The following CELSR3 variants were observed in gnomAD, a reference collection of about 807,000 sequenced individuals.
The protein encoded by CELSR3 is EGF-like protein 1.
Under a neutral mutation model 270.0 loss-of-function variants are expected in CELSR3, and 73 were observed. That is an observed-to-expected ratio of 0.27 (90% CI 0.22 to 0.33). The LOEUF (loss-of-function observed/expected upper bound fraction) is 0.33, where lower values mean the gene tolerates loss of function less well. CELSR3 is among the 10% of genes least tolerant of loss of function. The pLI, the probability that CELSR3 is intolerant of heterozygous loss-of-function variation, is 1.00. For synonymous variants in CELSR3, 1,780 were observed against 1,905.4 expected, an observed-to-expected ratio of 0.93 and a Z score of 1.71; for missense variants, 3,614 against 4,533.8, an observed-to-expected ratio of 0.80 and a Z score of 5.83.
In CELSR3 at chr3:48,637,523, C is replaced by G. The variant is rs1204020158; in HGVS notation, c.*682G>C. The G allele has an allele frequency of 6.5e-6, 1 of 152,706 alleles. No homozygotes were observed. The highest frequency in any genetic ancestry group is 1.5e-5 in the Non-Finnish European group (1 of 68,168). 9.5% of individuals were successfully genotyped at this position (152,706 alleles called of 1,614,324 possible). The stretch of plus-strand genomic sequence containing the variant: ...AAGCCTTGCTCTGTAAACACGACAT[C>G]AGCTGCTCCACCAGCACCCCACAGC... On this transcript the variant is annotated 3_prime_UTR_variant, in exon 35 of 35. Coordinates refer to ENST00000164024, the MANE Select transcript of CELSR3 (RefSeq NM_001407.3).
chr3:48,642,492 C>A lies in CELSR3; in HGVS notation c.8556-25G>T. ...CCTGGAAAAGCAGGAGCCCCCCCACCATGAAAGAGGGATGTGATGGGGTGC... is the reference window on the plus strand; with the variant it reads ...CCTGGAAAAGCAGGAGCCCCCCCACAATGAAAGAGGGATGTGATGGGGTGC... On this transcript the variant is annotated intron_variant, in intron 30 of 34. Transcript: ENST00000164024. The surrounding 1 kb of genome is among the most constrained non-coding windows in gnomAD (Gnocchi z 6.1). 1 of 1,605,448 alleles carries A rather than the reference C, an allele frequency of 6.2e-7. No homozygotes were observed. The highest frequency in any genetic ancestry group is 1.1e-5 in the South Asian group (1 of 90,084).
chr3:48,646,312 G>C lies in CELSR3; in HGVS notation c.7296-55C>G, dbSNP rs2047083786. The C allele has an allele frequency of 3.2e-6, 5 of 1,540,294 alleles. No individual in the cohort carries two copies. Among genetic ancestry groups the C allele is most frequent in the Non-Finnish European group, 4.4e-6 (5 of 1,135,426 alleles). On this transcript the variant is annotated intron_variant, in intron 21 of 34. Transcript: ENST00000164024. The surrounding 1 kb of genome is among the most constrained non-coding windows in gnomAD (Gnocchi z 4.8). Reference sequence around the variant, plus strand: ...CTGCTGACCTCCCCATGCTCAGCCTGCTTGCCTCACCCCGTCTTCATGCCA... The same window carrying C: ...CTGCTGACCTCCCCATGCTCAGCCTCCTTGCCTCACCCCGTCTTCATGCCA...
chr3:48,643,883 CGTG>C (rs1367635161), intron 27 of CELSR3: 11 of 625,056 alleles, frequency 1.8e-5, no homozygotes, highest in Non-Finnish European at 2.7e-5. Flanking sequence ...CATGAGGACA[CGTG>C]GGGAAAACAC....
rs145563898 is a variant in CELSR3, at chr3:48,646,784, T to C, written c.7274A>G (p.Gln2425Arg). ...TLGGLLPAQF[Q>R]AERRGARLPQ... The stretch of plus-strand genomic sequence containing the variant: ...GTACCTGGCACCTCGGCGTTCTGCC[T>C]GGAACTGGGCAGGGAGCAGTCCCCC... Residue 2425 changes from glutamine (Q) to arginine (R), a missense_variant, in exon 21 of 35, where the codon CAG becomes CGG. Physicochemically the swap from Gln to Arg is conservative, Grantham distance 43. This residue lies in a region of CELSR3 where 1,240 missense variants were observed against 1,351.7 expected (regional missense o/e 0.92). Coordinates refer to ENST00000164024, the MANE Select transcript of CELSR3 (RefSeq NM_001407.3). This position sits in a 1 kb window ranked among gnomAD's most constrained non-coding sequence, Gnocchi z 4.8. The C allele has an allele frequency of 2.5e-6, 4 of 1,609,984 alleles. No homozygotes were observed. Among genetic ancestry groups the C allele is most frequent in the Non-Finnish European group, 3.4e-6 (4 of 1,178,802 alleles).
Position 48,660,026 on chromosome 3 carries a change from T to C in CELSR3, c.2609A>G (p.Asp870Gly). The change falls in exon 1 of 35, where the codon GAT becomes GGT. Residue 870 changes from aspartate (D) to glycine (G), a missense_variant. By Grantham distance (94) the Asp-to-Gly change is moderately conservative. Transcript: ENST00000164024. This position sits in a 1 kb window ranked among gnomAD's most constrained non-coding sequence, Gnocchi z 5.5. The stretch of plus-strand genomic sequence containing the variant: ...CACTATGGTGCTACCCATTGGCCGA[T>C]CTTCATTCACACTCACTGAGTAGTG... ...SAHYSVSVNE[D>G]RPMGSTIVVI... The C allele has an allele frequency of 1.2e-6, 2 of 1,614,216 alleles. No homozygotes were observed. The highest frequency in any genetic ancestry group is 1.7e-6 in the Non-Finnish European group (2 of 1,180,054).
intron 17 of CELSR3, 50 bp from the exon 18 acceptor site, chr3:48,648,978 A>G (rs2106708618): frequency 6.3e-7 from 1 of 1,593,652 alleles, no homozygotes; most frequent in South Asian, 1.1e-5. Flanking sequence ...GCCTTCCTCT[A>G]AAGCTTCACA....
Position 48,651,274 on chromosome 3 carries a change from A to C in CELSR3, c.6186+85T>G. The C allele has an allele frequency of 6.3e-7, 1 of 1,581,324 alleles. No homozygotes were observed. Among genetic ancestry groups the C allele is most frequent in the South Asian group, 1.2e-5 (1 of 86,148 alleles). ...GGACACAGGCAAGAGGTTAGGGCCC[A>C]AGTCAGGTGGCGGAGGTCAGCAAGC... On this transcript the variant is annotated intron_variant, in intron 14 of 34. Transcript: ENST00000164024. This position sits in a 1 kb window ranked among gnomAD's most constrained non-coding sequence, Gnocchi z 7.4.
chr3:48,643,379 C>T, intron 28 of CELSR3, 175 bp downstream of exon 28: 1 of 906,666 alleles, frequency 1.1e-6, no homozygotes, highest in South Asian at 1.8e-5. Context: ...TTAGAGTCAG[C>T]TCCAGGCCTG....
At position 48,652,951 on chromosome 3, in the gene CELSR3, G is replaced by A. The variant is rs186954925; in HGVS notation, c.5634+51C>T. ...GACTAGAGGTGGGGTCAAATAAGGC[G>A]GATCTGGTTGGAAGGCTGAGAACAG... is the stretch of plus-strand genomic sequence containing the variant. On this transcript the variant is annotated intron_variant, in intron 10 of 34. Coordinates refer to ENST00000164024, the MANE Select transcript of CELSR3 (RefSeq NM_001407.3). This position sits in a 1 kb window ranked among gnomAD's most constrained non-coding sequence, Gnocchi z 4.3. 65 of 1,509,404 alleles carry A rather than the reference G, an allele frequency of 4.3e-5. No individual in the cohort carries two copies. The highest frequency in any genetic ancestry group is 6.9e-5 in the African/African-American group (5 of 72,890). 93.5% of individuals were successfully genotyped at this position (1,509,404 alleles called of 1,614,324 possible).
rs768229031 is a variant in CELSR3 at position 48,641,265 on chromosome 3, T to C, written c.9025+59A>G. 70 of 1,161,514 alleles carry C rather than the reference T, an allele frequency of 6.0e-5. No homozygotes were observed. Among genetic ancestry groups the C allele is most frequent in the Middle Eastern group, 2.7e-4 (1 of 3,722 alleles). 72.0% of individuals were successfully genotyped at this position (1,161,514 alleles called of 1,614,324 possible). A position where few individuals can be genotyped will look rare whatever the true frequency, so the allele number is the denominator to read the frequency against. ...GATGAGGAAGCTGCAATCCCTTGGCTCAGGGCATGAGCAGCCCCCAGCGTG... is the reference window on the plus strand; with the variant it reads ...GATGAGGAAGCTGCAATCCCTTGGCCCAGGGCATGAGCAGCCCCCAGCGTG... On this transcript the variant is annotated intron_variant, in intron 33 of 34. Coordinates refer to ENST00000164024, the MANE Select transcript of CELSR3 (RefSeq NM_001407.3). This position sits in a 1 kb window ranked among gnomAD's most constrained non-coding sequence, Gnocchi z 4.8.
rs2077058660 is a variant in CELSR3 at position 48,660,555 on chromosome 3, C to A, written c.2080G>T (p.Ala694Ser). Residue 694 changes from alanine (A) to serine (S), a missense_variant, in exon 1 of 35, where the codon GCA becomes TCA. Transcript: ENST00000164024. This position sits in a 1 kb window ranked among gnomAD's most constrained non-coding sequence, Gnocchi z 5.5. ...TTTATCACAAAAGGAGTATCAGGTG[C>A]CACACCAGTTAGGGAGTACTCCAAT... ...ARLEYSLTGV[A>S]PDTPFVINSA... 6.2e-7 allele frequency: 1 copy of A among 1,614,050 alleles called. No individual in the cohort carries two copies. The highest frequency in any genetic ancestry group is 1.3e-5 in the African/African-American group (1 of 74,922).
At position 48,642,420 on chromosome 3, in the gene CELSR3, T is replaced by C; in HGVS notation, c.8603A>G (p.His2868Arg). ...GGGGCCAGCATGAGCCTGGAGGCTG[T>C]GGTCAGTGTGGTCAGCGGCTGAGCC... ...RHGSAADHTD[H>R]SLQAHAGPTD... is the part of the protein sequence containing the mutation. Residue 2868 changes from histidine (H) to arginine (R), a missense_variant, in exon 31 of 35, where the codon CAC (histidine) becomes CGC (arginine). Around this residue, in one of 7 missense-constraint regions of CELSR3, gnomAD observed 1,240 missense variants for 1,351.7 expected, o/e 0.92. Transcript: ENST00000164024. This position sits in a 1 kb window ranked among gnomAD's most constrained non-coding sequence, Gnocchi z 6.1. 6.2e-7 allele frequency: 1 copy of C among 1,613,108 alleles called. No homozygotes were observed. The highest frequency in any genetic ancestry group is 8.5e-7 in the Non-Finnish European group (1 of 1,179,866).
Position 48,640,123 on chromosome 3 carries a change from G to A in CELSR3, c.9462C>T (p.Ser3154=), listed in dbSNP as rs1334578339. The A allele has an allele frequency of 6.2e-7, 1 of 1,611,992 alleles. No homozygotes were observed. Among genetic ancestry groups the A allele is most frequent in the East Asian group, 2.2e-5 (1 of 44,864 alleles). Residue 3154 remains serine (S), a synonymous_variant, in exon 34 of 35, where the codon AGC becomes AGT. Coordinates refer to ENST00000164024, the MANE Select transcript of CELSR3 (RefSeq NM_001407.3). The surrounding 1 kb of genome is among the most constrained non-coding windows in gnomAD (Gnocchi z 7.5). ...LDLGAPREWL[S]TLPPPRRTRD... The stretch of plus-strand genomic sequence containing the variant: ...GGGTGCGGCGGGGCGGAGGCAGCGT[G>A]CTCAACCACTCTCGAGGTGCCCCTA...
intron 19 of CELSR3, 28 bp downstream of exon 19, chr3:48,648,238 G>GGGCCCCCCCCCCCCCCCCCCCAACC: frequency 7.4e-7 from 1 of 1,342,630 alleles, no homozygotes. Flanking sequence ...CCCCTGCTGT[G>GGGCCCCCCCCCCCCCCCCCCCAACC]CCCCGCCCTA....
chr3:48,653,631 C>A lies in CELSR3; in HGVS notation c.5436G>T (p.Thr1812=), dbSNP rs566254227. Residue 1812 remains threonine (T), a synonymous_variant, in exon 9 of 35, where the codon ACG becomes ACT. Coordinates refer to ENST00000164024, the MANE Select transcript of CELSR3 (RefSeq NM_001407.3). This position sits in a 1 kb window ranked among gnomAD's most constrained non-coding sequence, Gnocchi z 6.5. ...LMQVQAGPHS[T]LLCQLDRGLL... ...AGGGTGGACACACCTGGCAAAGGAG[C>A]GTGCTGTGTGGCCCAGCCTGCACTT... is the stretch of plus-strand genomic sequence containing the variant. 3.7e-6 allele frequency: 6 copies of A among 1,613,904 alleles called. No individual in the cohort carries two copies. The Admixed American group carries it at 1.0e-4, about 27-fold the overall frequency.
At position 48,646,145 on chromosome 3, in the gene CELSR3, G is replaced by T. The variant is rs754120664; in HGVS notation, c.7408C>A (p.Leu2470Ile). The change falls in exon 22 of 35, where the codon CTA (leucine) becomes ATA (isoleucine). Residue 2470 changes from leucine to isoleucine, a missense_variant. By Grantham distance (5) the Leu-to-Ile change is conservative (BLOSUM62 2). This residue lies in a region of CELSR3 where 1,240 missense variants were observed against 1,351.7 expected (regional missense o/e 0.92). Transcript: ENST00000164024. This position sits in a 1 kb window ranked among gnomAD's most constrained non-coding sequence, Gnocchi z 4.8. ...ESPISLEFRL[L>I]QTANRSKAIC... ...GCCTTGCTCCGATTCGCTGTCTGTA[G>T]CAGGCGAAACTCTAGGCTGATGGGG... is the stretch of plus-strand genomic sequence containing the variant. The T allele has an allele frequency of 6.2e-7, 1 of 1,612,902 alleles. No individual in the cohort carries two copies. Among genetic ancestry groups the T allele is most frequent in the South Asian group, 1.1e-5 (1 of 91,088 alleles).
At position 48,650,989 on chromosome 3, in the gene CELSR3, G is replaced by A. The variant is rs769415379; in HGVS notation, c.6273C>T (p.Pro2091=). The change falls in exon 15 of 35, where the codon CCC becomes CCT. Residue 2091 remains proline, a synonymous_variant. Transcript: ENST00000164024. This position sits in a 1 kb window ranked among gnomAD's most constrained non-coding sequence, Gnocchi z 5.1. ...PVGSTSRSCA[P]HSGQCPCRPG... The stretch of plus-strand genomic sequence containing the variant: ...GGCGACAGGGGCACTGCCCGCTGTG[G>A]GGTGCACATGAGCGCGAGGTGGAGC... 6 of 1,610,794 alleles carry A rather than the reference G, an allele frequency of 3.7e-6. 1 individual carries two copies. The South Asian group carries it at 6.6e-5, about 18-fold the overall frequency.
chr3:48,642,700 C>T lies in CELSR3; in HGVS notation c.8555+36G>A, dbSNP rs753248131. The T allele has an allele frequency of 1.9e-6, 3 of 1,595,672 alleles. No individual in the cohort carries two copies. The highest frequency in any genetic ancestry group is 2.6e-6 in the Non-Finnish European group (3 of 1,174,550). On this transcript the variant is annotated intron_variant, in intron 30 of 34. Coordinates refer to ENST00000164024, the MANE Select transcript of CELSR3 (RefSeq NM_001407.3). This position sits in a 1 kb window ranked among gnomAD's most constrained non-coding sequence, Gnocchi z 6.1. ...CCTGGTAAGGTGGGGCTGGACTAAGCTGAGTGTTCCCTCACAAGGAGGCTC... is the reference window on the plus strand; with the variant it reads ...CCTGGTAAGGTGGGGCTGGACTAAGTTGAGTGTTCCCTCACAAGGAGGCTC...
Position 48,652,980 on chromosome 3 carries a change from A to AC in CELSR3, c.5634+21dup. On this transcript the variant is annotated intron_variant, in intron 10 of 34. Coordinates refer to ENST00000164024, the MANE Select transcript of CELSR3 (RefSeq NM_001407.3). This position sits in a 1 kb window ranked among gnomAD's most constrained non-coding sequence, Gnocchi z 4.3. ...CTGGTTGGAAGGCTGAGAACAGACTACCCCGGGGTCAGAGGCCAGACCTGG... is the reference window on the plus strand; with the variant it reads ...CTGGTTGGAAGGCTGAGAACAGACTACCCCCGGGGTCAGAGGCCAGACCTGG... The AC allele has an allele frequency of 6.3e-7, 1 of 1,585,142 alleles. No homozygotes were observed. Among genetic ancestry groups the AC allele is most frequent in the Non-Finnish European group, 8.7e-7 (1 of 1,155,508 alleles).
Sources: allele counts gnomAD v4.1 joint callset, GRCh38; gene constraint gnomAD v4.1.1; regional missense constraint gnomAD v4.1.1; non-coding constraint Gnocchi (gnomAD v3.1); transcripts MANE v1.5; gene names NCBI Gene and HGNC (gene_info 2026-07-23, HGNC 2026-07-21).